The following ZC3H8 variants were observed in gnomAD, a reference collection of about 807,000 sequenced individuals.
ZC3H8 encodes zinc finger CCCH-type containing 8, also known as zinc finger CCCH domain-containing protein 8.
Under a neutral mutation model 42.5 loss-of-function variants are expected in ZC3H8, and 27 were observed. The observed-to-expected ratio is 0.64, with a 90% confidence interval of 0.47 to 0.88. ZC3H8 has a LOEUF of 0.88. ZC3H8 is among the 40% of genes least tolerant of loss of function. The pLI is 0.00. For missense variants in ZC3H8, 277 were observed against 336.1 expected (o/e 0.82, Z 1.37); for synonymous variants, 101 against 110.1 (o/e 0.92, Z 0.52).
In ZC3H8 at chr2:112,216,395, A is replaced by G. The variant is rs948622703; in HGVS notation, c.*89T>C. 1.1e-4 allele frequency: 17 copies of G among 152,410 alleles called. No homozygotes were observed. The East Asian group carries it at 3.3e-3, about 29-fold the overall frequency. 9.4% of individuals were successfully genotyped at this position (152,410 alleles called of 1,614,324 possible). A position where few individuals can be genotyped will look rare whatever the true frequency, so the allele number is the denominator to read the frequency against. The stretch of plus-strand genomic sequence containing the variant: ...CTCTGAATGAGGAATCTTGTAAACT[A>G]CTCCAAATCACCAGTCTTGAACAGT... On this transcript the variant is annotated 3_prime_UTR_variant, in exon 9 of 9. Coordinates refer to ENST00000409573, the MANE Select transcript of ZC3H8 (RefSeq NM_032494.3).
intron 1 of ZC3H8, among the ~76,000 whole-genome samples, chr2:112,253,384 G>A (rs1205431454): frequency 6.6e-6 from 1 of 152,100 alleles, no homozygotes; most frequent in African/African-American, 2.4e-5. Flanking sequence ...TGAATGAGAA[G>A]TATTCCCATC....
At position 112,214,714 on chromosome 2, in the gene ZC3H8, A is replaced by G. The variant is rs1192896822; in HGVS notation, c.*1770T>C. ...TCGGAAATCTGCTCTGAGGAACCAG[A>G]GCAAACTGTACAGAGGAAAGGGGAG... On this transcript the variant is annotated 3_prime_UTR_variant, in exon 9 of 9. Coordinates refer to ENST00000409573, the MANE Select transcript of ZC3H8 (RefSeq NM_032494.3). 6.6e-6 allele frequency: 1 copy of G among 152,194 alleles called. No individual in the cohort carries two copies. Among genetic ancestry groups the G allele is most frequent in the African/African-American group, 2.4e-5 (1 of 41,424 alleles). The allele number at this position is 152,194 out of a possible 1,614,324, so 9.4% of individuals were successfully genotyped here. A position where few individuals can be genotyped will look rare whatever the true frequency, so the allele number is the denominator to read the frequency against.
chr2:112,238,410 T>C lies in ZC3H8; in HGVS notation c.275A>G (p.Lys92Arg), dbSNP rs762976967. The C allele has an allele frequency of 1.2e-5, 19 of 1,613,630 alleles. No individual in the cohort carries two copies. The highest frequency in any genetic ancestry group is 6.7e-5 in the Admixed American group (4 of 60,014). The stretch of plus-strand genomic sequence containing the variant: ...GGCTTGTATGTACTGTTGAAGCTCT[T>C]TGGCAAAATTATCTTCTGATTCCTG... ...CSQESEDNFA[K>R]ELQQYIQARE... The change falls in exon 3 of 9, where the codon AAA becomes AGA. Residue 92 changes from lysine to arginine, a missense_variant. Lys to Arg is a conservative substitution (Grantham distance 26). Coordinates refer to ENST00000409573, the MANE Select transcript of ZC3H8 (RefSeq NM_032494.3).
rs941740607 is a variant in ZC3H8, at chr2:112,214,605, G to C, written c.*1879C>G. On this transcript the variant is annotated 3_prime_UTR_variant, in exon 9 of 9. Transcript: ENST00000409573. ...GTATGGCTACAATGGCTAGGTGATA[G>C]AGTACTTTGGACGAATGGCTCTTGA... 3 of 152,220 alleles carry C rather than the reference G, an allele frequency of 2.0e-5. No individual in the cohort carries two copies. The highest frequency in any genetic ancestry group is 2.9e-5 in the Non-Finnish European group (2 of 68,088). The allele number at this position is 152,220 out of a possible 1,614,324, so 9.4% of individuals were successfully genotyped here. A position where few individuals can be genotyped will look rare whatever the true frequency, so the allele number is the denominator to read the frequency against.
chr2:112,226,605 A>AAAAAAAAAG (rs60734001), intron 8 of ZC3H8, among the ~76,000 whole-genome samples: 2 of 150,024 alleles, frequency 1.3e-5, no homozygotes, highest in African/African-American at 4.9e-5. Context: ...AAAAAAAAAA[A>AAAAAAAAAG]GCTCAGGCCC....
intron 2 of ZC3H8, 80 bp from the exon 3 acceptor site, chr2:112,238,608 G>T: frequency 8.5e-7 from 1 of 1,176,662 alleles, no homozygotes; most frequent in Non-Finnish European, 1.2e-6. Flanking sequence ...AACAAGATTG[G>T]CTATAAACTG....
At chr2:112,254,871 G>A (rs752276628) in intron 1 of ZC3H8, 37 bp downstream of exon 1, 2 of 1,605,022 alleles carry the variant, frequency 1.2e-6, no homozygotes, top group Non-Finnish European at 1.7e-6. Context: ...GTCCCGCTGA[G>A]CCCCTGCATT....
chr2:112,250,558 AACT>A (rs1427823667), intron 1 of ZC3H8, among the ~76,000 whole-genome samples: 1 of 152,208 alleles, frequency 6.6e-6, no homozygotes, highest in African/African-American at 2.4e-5. Context: ...TTAATTCAAC[AACT>A]ACTAAGTACC....
In ZC3H8 at chr2:112,213,144, A is replaced by T. The variant is rs1013019436; in HGVS notation, c.*3340T>A. 1 of 151,592 alleles carries T rather than the reference A, an allele frequency of 6.6e-6. No homozygotes were observed. The highest frequency in any genetic ancestry group is 2.4e-5 in the African/African-American group (1 of 41,262). 9.4% of individuals were successfully genotyped at this position (151,592 alleles called of 1,614,324 possible). ...ACCTCCATGCCTGGCTAATTTAAAA[A>T]TTTTTTGTAAAGATGAGATCTTGCT... On this transcript the variant is annotated 3_prime_UTR_variant, in exon 9 of 9. Transcript: ENST00000409573.
chr2:112,236,030 G>C (rs969404072), intron 4 of ZC3H8, among the ~76,000 whole-genome samples: 1 of 151,372 alleles, frequency 6.6e-6, no homozygotes. Flanking sequence ...GGTGGGAGCC[G>C]AGGCAGGTGG....
intron 2 of ZC3H8, among the ~76,000 whole-genome samples, chr2:112,248,627 A>T (rs760175219): frequency 5.3e-5 from 8 of 152,080 alleles, no homozygotes; most frequent in Non-Finnish European, 8.8e-5. Flanking sequence ...AGTAGCTGGG[A>T]TTACAGGTGC....
At chr2:112,240,528 T>C (rs1685532995) in intron 2 of ZC3H8, 1 of 152,226 alleles carries the variant, frequency 6.6e-6, no homozygotes, top group Non-Finnish European at 1.5e-5. Context: ...AAATGAGTGA[T>C]TAAGTTCCCT....
chr2:112,223,464 C>T (rs1160976405), intron 8 of ZC3H8, among the ~76,000 whole-genome samples: 4 of 151,940 alleles, frequency 2.6e-5, no homozygotes, highest in Non-Finnish European at 5.9e-5. Context: ...TTAGCATCTA[C>T]AAAAATCATC....
At chr2:112,241,336 G>A (rs1439275777) in intron 2 of ZC3H8, among the ~76,000 whole-genome samples, 2 of 152,126 alleles carry the variant, frequency 1.3e-5, no homozygotes, top group Non-Finnish European at 2.9e-5. Flanking sequence ...CCCACATGGA[G>A]GTACTAAATC....
chr2:112,229,350 CA>C (rs1344209365), intron 8 of ZC3H8, among the ~76,000 whole-genome samples: 1 of 152,190 alleles, frequency 6.6e-6, no homozygotes, highest in African/African-American at 2.4e-5. Context: ...CCTAGAGTTA[CA>C]GTTATACTCT....
Position 112,215,972 on chromosome 2 carries a change from ATTTAT to A in ZC3H8, c.*507_*511del, listed in dbSNP as rs1460595814. ...GGTTTAAAAAAATCATAGAACCATA[ATTTAT>A]TTTAAGCCCTAAAATGAAATTGTGA... On this transcript the variant is annotated 3_prime_UTR_variant, in exon 9 of 9. Transcript: ENST00000409573. 1.3e-5 allele frequency: 2 copies of A among 152,316 alleles called. No homozygotes were observed. The highest frequency in any genetic ancestry group is 4.8e-5 in the African/African-American group (2 of 41,586). The allele number at this position is 152,316 out of a possible 1,614,324, so 9.4% of individuals were successfully genotyped here.
intron 8 of ZC3H8, among the ~76,000 whole-genome samples, chr2:112,228,168 G>T (rs1344100417): frequency 2.0e-5 from 3 of 152,104 alleles, no homozygotes; most frequent in Non-Finnish European, 4.4e-5. Context: ...TTTGACAAAG[G>T]CATGAAGGCA....
intron 8 of ZC3H8, among the ~76,000 whole-genome samples, chr2:112,220,547 C>T (rs569956785): frequency 1.4e-4 from 22 of 152,258 alleles, no homozygotes; most frequent in African/African-American, 3.6e-4. Context: ...TAGGGCTGGG[C>T]GCGGTGGCTC....
intron 8 of ZC3H8, among the ~76,000 whole-genome samples, chr2:112,223,169 A>T (rs1684665782): frequency 6.6e-6 from 1 of 152,162 alleles, no homozygotes; most frequent in Admixed American, 6.6e-5. Context: ...ATGACGAGTT[A>T]ACAGGTGCAG....
Sources: allele counts gnomAD v4.1 joint callset (sites outside exome capture counted in the v4.1 genomes callset), GRCh38; gene constraint gnomAD v4.1.1; transcripts MANE v1.5; gene names NCBI Gene and HGNC (gene_info 2026-07-23, HGNC 2026-07-21).